The following XKR6 variants were observed in gnomAD, a reference collection of about 807,000 sequenced individuals.
The protein encoded by XKR6 is XK-related protein 6.
In XKR6, 22 loss-of-function variants were observed where a neutral mutation model predicts 56.7. The ratio of observed to expected loss-of-function variants is 0.39; its 90% CI spans 0.28 to 0.55. The LOEUF (loss-of-function observed/expected upper bound fraction) is 0.55. Among genes scored for constraint, XKR6 ranks in the 20% least tolerant of loss-of-function variants. The pLI, the probability that XKR6 is intolerant of heterozygous loss-of-function variation, is 0.66. For missense variants in XKR6, 852 were observed against 889.0 expected (o/e 0.96, Z 0.53); for synonymous variants, 524 against 387.8 (o/e 1.35, Z -4.13).
At chr8:11,086,916 C>T (rs111473326) in intron 1 of XKR6, among the ~76,000 whole-genome samples, 80 of 152,290 alleles carry the variant, frequency 5.3e-4, no homozygotes, top group Admixed American at 2.5e-3. Flanking sequence ...AGTCCTGTCC[C>T]GCAGGGATCA....
intron 1 of XKR6, chr8:11,114,076 A>C (rs1799039473): frequency 2.2e-6 from 1 of 445,220 alleles, no homozygotes. Context: ...CTGAGGCCTC[A>C]TGTCTTTCGC....
intron 1 of XKR6, among the ~76,000 whole-genome samples, chr8:11,196,867 C>T (rs1365658417): frequency 2.0e-5 from 3 of 152,098 alleles, no homozygotes; most frequent in Non-Finnish European, 4.4e-5. Context: ...GAACAAAGAC[C>T]CATAATAAAC....
intron 2 of XKR6, among the ~76,000 whole-genome samples, chr8:10,912,469 AG>A (rs1437104634): frequency 1.2e-5 from 1 of 82,422 alleles, no homozygotes; most frequent in Admixed American, 1.0e-4. Context: ...ATATATATAG[AG>A]AGAGAGAGAG....
intron 1 of XKR6, chr8:11,109,627 A>C (rs1329005903): frequency 1.3e-5 from 2 of 151,962 alleles, no homozygotes; most frequent in Admixed American, 1.3e-4. Flanking sequence ...TTATCCCCCA[A>C]CCCTACCACC....
At chr8:11,007,067 T>A (rs965035622) in intron 1 of XKR6, among the ~76,000 whole-genome samples, 1 of 152,174 alleles carries the variant, frequency 6.6e-6, no homozygotes, top group Non-Finnish European at 1.5e-5. Context: ...AATTCCTGAA[T>A]AAGAGGAAAG....
At chr8:10,918,993 C>A (rs1800638820) in intron 2 of XKR6, among the ~76,000 whole-genome samples, 1 of 152,200 alleles carries the variant, frequency 6.6e-6, no homozygotes, top group South Asian at 2.1e-4. Context: ...GAAAAGGGAC[C>A]TTCTTCAAAA....
chr8:10,978,361 A>T (rs4285446), intron 1 of XKR6, among the ~76,000 whole-genome samples: 66,869 of 152,192 alleles, frequency 0.44, 17,437 homozygotes, highest in African/African-American at 0.73. Flanking sequence ...TTAATATAAC[A>T]TTCAATAACT....
At chr8:11,008,192 A>G (rs183266956) in intron 1 of XKR6, among the ~76,000 whole-genome samples, 8 of 152,280 alleles carry the variant, frequency 5.3e-5, no homozygotes, top group African/African-American at 2.4e-5. Context: ...TACAGAATGA[A>G]GCCCAATCTC....
chr8:11,027,815 T>A (rs1379482348), intron 1 of XKR6, among the ~76,000 whole-genome samples: 2 of 151,996 alleles, frequency 1.3e-5, no homozygotes, highest in East Asian at 3.9e-4. Flanking sequence ...CTTAAAAATA[T>A]CCCCTCCCCC....
intron 1 of XKR6, among the ~76,000 whole-genome samples, chr8:11,004,340 C>T (rs1282171283): frequency 6.6e-6 from 1 of 152,048 alleles, no homozygotes; most frequent in Admixed American, 6.6e-5. Context: ...GGCATGTTGG[C>T]GCACACCTGC....
intron 1 of XKR6, among the ~76,000 whole-genome samples, chr8:11,037,178 C>G (rs970127795): frequency 6.6e-6 from 1 of 152,200 alleles, no homozygotes; most frequent in African/African-American, 2.4e-5. Context: ...AAACTTTTTA[C>G]CATCCACAAC....
At chr8:11,188,661 T>C (rs982288818) in intron 1 of XKR6, among the ~76,000 whole-genome samples, 6 of 152,164 alleles carry the variant, frequency 3.9e-5, no homozygotes, top group Non-Finnish European at 5.9e-5. Context: ...GGGTGATTTA[T>C]TAACTCTTCT....
At chr8:11,146,725 T>C (rs1488692646) in intron 1 of XKR6, among the ~76,000 whole-genome samples, 1 of 151,314 alleles carries the variant, frequency 6.6e-6, no homozygotes, top group African/African-American at 2.4e-5. Flanking sequence ...ATAATCTCAA[T>C]GTCCATTGTC....
At chr8:10,918,298 G>C (rs1197917520) in intron 2 of XKR6, among the ~76,000 whole-genome samples, 1 of 152,238 alleles carries the variant, frequency 6.6e-6, no homozygotes, top group Non-Finnish European at 1.5e-5. Context: ...GCTTGGAAGA[G>C]GCTCACCTAA....
chr8:11,149,751 T>C (rs1801175081), intron 1 of XKR6, among the ~76,000 whole-genome samples: 1 of 152,188 alleles, frequency 6.6e-6, no homozygotes, highest in Non-Finnish European at 1.5e-5. Flanking sequence ...ACTGGGCATT[T>C]GTCCAAAGGA....
chr8:10,930,032 T>A (rs1205364257), intron 1 of XKR6, among the ~76,000 whole-genome samples: 1 of 152,214 alleles, frequency 6.6e-6, no homozygotes, highest in African/African-American at 2.4e-5. Flanking sequence ...TCAGAAAGAC[T>A]AAGTGACTTC....
intron 1 of XKR6, among the ~76,000 whole-genome samples, chr8:10,949,529 C>A (rs1159332142): frequency 1.3e-5 from 2 of 152,234 alleles, no homozygotes; most frequent in Non-Finnish European, 2.9e-5. Context: ...GAACAGTCAC[C>A]TGAAAAGAGG....
chr8:10,972,452 C>G (rs371909816), intron 1 of XKR6, among the ~76,000 whole-genome samples: 2 of 152,292 alleles, frequency 1.3e-5, no homozygotes, highest in African/African-American at 4.8e-5. Context: ...AAGCCAGGAA[C>G]GAACAAGCTT....
chr8:11,026,635 C>A (rs1180134433), intron 1 of XKR6, among the ~76,000 whole-genome samples: 3 of 151,268 alleles, frequency 2.0e-5, no homozygotes, highest in African/African-American at 7.3e-5. Flanking sequence ...GCCTACTACA[C>A]ACCTAGATGG....
Sources: gnomAD v4.1 joint callset for allele counts (sites outside exome capture counted in the v4.1 genomes callset) on GRCh38, gnomAD v4.1.1 for gene constraint, MANE v1.5 for transcripts, NCBI Gene and HGNC (gene_info 2026-07-23, HGNC 2026-07-21) for gene names.